CDKN2A: variants seen among roughly 807,000 people sequenced by gnomAD.
CDKN2A encodes cyclin-dependent kinase inhibitor 2A.
Under a neutral mutation model 11.1 loss-of-function variants are expected in CDKN2A, and 3 were observed. The ratio of observed to expected loss-of-function variants is 0.27; its 90% CI spans 0.12 to 0.70. The LOEUF (loss-of-function observed/expected upper bound fraction) is 0.70, where lower values mean the gene tolerates loss of function less well. Ranked by LOEUF, CDKN2A falls within the 30% of genes least tolerant of loss-of-function variation. The pLI is 0.77. For synonymous variants in CDKN2A, 122 were observed against 108.1 expected (o/e 1.13, Z -0.80); for missense variants, 265 against 233.6 (o/e 1.13, Z -0.88).
rs539052904 is a variant in CDKN2A at position 21,991,645 on chromosome 9, G to A, written c.-4+2237C>T. On this transcript the variant is annotated intron_variant, in intron 2 of 3. Transcript: ENST00000494262. The surrounding 1 kb of genome is among the most constrained non-coding windows in gnomAD (Gnocchi z 5.2). ...AATGGTTTAGCTTAACTCTATCATGGTAGTTGATAGTGATGAACTAACGTG... is the reference window on the plus strand; with the variant it reads ...AATGGTTTAGCTTAACTCTATCATGATAGTTGATAGTGATGAACTAACGTG... 7.1e-6 allele frequency: 7 copies of A among 983,746 alleles called. No homozygotes were observed. Among genetic ancestry groups the A allele is most frequent in the Middle Eastern group, 5.2e-4 (1 of 1,914 alleles). The allele number at this position is 983,746 out of a possible 1,614,324, so 60.9% of individuals were successfully genotyped here.
chr9:21,982,362 A>G (rs907858423), intron 2 of CDKN2A, among the ~76,000 whole-genome samples: 1 of 152,134 alleles, frequency 6.6e-6, no homozygotes, highest in African/African-American at 2.4e-5. Flanking sequence ...GTGCAAAACA[A>G]ATGTGATTTT....
At chr9:21,989,204 C>G (rs1365457436) in intron 2 of CDKN2A, 1 of 152,132 alleles carries the variant, frequency 6.6e-6, no homozygotes, top group East Asian at 1.9e-4. Flanking sequence ...CTGTTGCGGT[C>G]CCAAGTTGGT....
upstream of CDKN2A, among the ~76,000 whole-genome samples, chr9:21,975,501 G>A (rs1820000815): frequency 6.6e-6 from 1 of 151,682 alleles, no homozygotes; most frequent in South Asian, 2.1e-4. Flanking sequence ...AGGAGCGCGG[G>A]GTTCACTAAG....
rs773747441 is a variant in CDKN2A at position 21,991,400 on chromosome 9, G to C, written c.-4+2482C>G. On this transcript the variant is annotated intron_variant, in intron 2 of 3. Coordinates refer to the CDKN2A transcript ENST00000494262. This position sits in a 1 kb window ranked among gnomAD's most constrained non-coding sequence, Gnocchi z 5.2. Reference sequence around the variant, plus strand: ...CCTATGTGGCCCAGGGAAGGTAAAAGATTGAACACCCCTGGCCTACAGTGT... The same window carrying C: ...CCTATGTGGCCCAGGGAAGGTAAAACATTGAACACCCCTGGCCTACAGTGT... Among the ~76,000 whole-genome samples, 3 of 151,880 alleles carry C rather than the reference G, an allele frequency of 2.0e-5. No individual in the cohort carries two copies. Among genetic ancestry groups the C allele is most frequent in the Non-Finnish European group, 4.4e-5 (3 of 68,004 alleles).
chr9:21,990,492 A>G (rs755059005), intron 2 of CDKN2A, among the ~76,000 whole-genome samples: 5 of 152,038 alleles, frequency 3.3e-5, no homozygotes, highest in Non-Finnish European at 5.9e-5. Context: ...GGAAATGTAT[A>G]TTTTACTGAT....
At chr9:21,981,950 TC>T (rs1169756512) in intron 2 of CDKN2A, among the ~76,000 whole-genome samples, 2 of 152,184 alleles carry the variant, frequency 1.3e-5, no homozygotes, top group Non-Finnish European at 2.9e-5. Context: ...AAACAATGTG[TC>T]CCTGGGAGTA....
At chr9:21,980,609 T>TA (rs1820148155) in intron 2 of CDKN2A, among the ~76,000 whole-genome samples, 1 of 152,080 alleles carries the variant, frequency 6.6e-6, no homozygotes, top group Admixed American at 6.5e-5. Flanking sequence ...GTTGTCAATA[T>TA]TAATTAAGAA....
chr9:21,993,845 G>C (rs1292840853), intron 2 of CDKN2A: 3 of 457,634 alleles, frequency 6.6e-6, no homozygotes, highest in Non-Finnish European at 1.2e-5. Context: ...GTGTGTGTGT[G>C]TCTTAGTCAT....
chr9:21,970,850 T>G, intron 2 of CDKN2A, 52 bp downstream of exon 2: 1 of 1,597,220 alleles, frequency 6.3e-7, no homozygotes, highest in Non-Finnish European at 8.5e-7. Flanking sequence ...AAATGAATGC[T>G]CTGAGCTTTG....
chr9:21,970,439 T>C (rs1002172003), intron 2 of CDKN2A: 2 of 356,548 alleles, frequency 5.6e-6, no homozygotes, highest in Admixed American at 8.9e-5. Flanking sequence ...AGAGCCGAGA[T>C]CGAGAGATCT....
chr9:21,978,674 G>A (rs948336933), upstream of CDKN2A, among the ~76,000 whole-genome samples: 4 of 151,902 alleles, frequency 2.6e-5, no homozygotes, highest in Admixed American at 6.6e-5. Flanking sequence ...AATTCTACAC[G>A]TGAAATTTAA....
chr9:21,969,257 G>C (rs1250565405), intron 2 of CDKN2A, among the ~76,000 whole-genome samples: 1 of 152,110 alleles, frequency 6.6e-6, no homozygotes, highest in African/African-American at 2.4e-5. Context: ...GCGTCGTGGC[G>C]TGCACCTGTG....
intron 2 of CDKN2A, among the ~76,000 whole-genome samples, chr9:21,980,989 C>T (rs866585860): frequency 1.2e-3 from 11 of 9,158 alleles, no homozygotes; most frequent in African/African-American, 4.8e-3. Context: ...TATATATACA[C>T]GTATATATAT....
At position 21,988,027 on chromosome 9, in the gene CDKN2A, A is replaced by C. The variant is rs1294351255; in HGVS notation, c.-4+5855T>G. ...TTGTTAACCTTTGCCATACTTTTAA[A>C]ATTTCTAGTTACTCACATAATTCAA... is the stretch of plus-strand genomic sequence containing the variant. On this transcript the variant is annotated intron_variant, in intron 2 of 3. Transcript: ENST00000494262. This position sits in a 1 kb window ranked among gnomAD's most constrained non-coding sequence, Gnocchi z 4.1. Among the ~76,000 whole-genome samples, 1 of 152,182 alleles carries C rather than the reference A, an allele frequency of 6.6e-6. No homozygotes were observed. Among genetic ancestry groups the C allele is most frequent in the East Asian group, 1.9e-4 (1 of 5,200 alleles).
chr9:21,976,949 C>G (rs1820052739), upstream of CDKN2A, among the ~76,000 whole-genome samples: 1 of 152,234 alleles, frequency 6.6e-6, no homozygotes, highest in African/African-American at 2.4e-5. Flanking sequence ...TTTGCTGATG[C>G]CTTAAGCACA....
chr9:21,993,799 CTGTGTGTGTGTGTGTG>C (rs71336508), intron 2 of CDKN2A: 82 of 247,492 alleles, frequency 3.3e-4, no homozygotes, highest in Middle Eastern at 1.4e-3. Context: ...ACCTTTCCTA[CTGTGTGTGTGTGTGTG>C]TGTGTGTGTG....
intron 2 of CDKN2A, among the ~76,000 whole-genome samples, chr9:21,990,611 T>TGAGAGAGAGAGAGAAAGAGA (rs1820406013): frequency 1.1e-5 from 1 of 89,676 alleles, no homozygotes. Context: ...ACTAATTTGG[T>TGAGAGAGAGAGAGAAAGAGA]GAGAGAGAGA....
At position 21,988,880 on chromosome 9, in the gene CDKN2A, T is replaced by C. The variant is rs760854666; in HGVS notation, c.-4+5002A>G. Among the ~76,000 whole-genome samples the C allele has an allele frequency of 3.9e-5, 6 of 152,228 alleles. No individual in the cohort carries two copies. Among genetic ancestry groups the C allele is most frequent in the Admixed American group, 1.3e-4 (2 of 15,286 alleles). On this transcript the variant is annotated intron_variant, in intron 2 of 3. Transcript: ENST00000494262. This position sits in a 1 kb window ranked among gnomAD's most constrained non-coding sequence, Gnocchi z 4.1. Reference sequence around the variant, plus strand: ...CAAGATTCAGTGGGTTCAGAGACTCTAAGTATTTGCCATTCCCTTTAGATG... The same window carrying C: ...CAAGATTCAGTGGGTTCAGAGACTCCAAGTATTTGCCATTCCCTTTAGATG...
At chr9:21,971,853 A>T (rs1303638295) in intron 1 of CDKN2A, among the ~76,000 whole-genome samples, 1 of 152,106 alleles carries the variant, frequency 6.6e-6, no homozygotes, top group Non-Finnish European at 1.5e-5. Flanking sequence ...TAACCTATCC[A>T]TCATCTCAAA....
Sources: allele counts gnomAD v4.1 joint callset (sites outside exome capture counted in the v4.1 genomes callset), GRCh38; gene constraint gnomAD v4.1.1; non-coding constraint Gnocchi (gnomAD v3.1); transcripts MANE v1.5; gene names NCBI Gene and HGNC (gene_info 2026-07-23, HGNC 2026-07-21).